Variants in STXBP5L observed in about 807,000 individuals in gnomAD.
STXBP5L encodes the protein syntaxin-binding protein 5-like.
In STXBP5L, 65 loss-of-function variants were observed where a neutral mutation model predicts 144.5. The ratio of observed to expected loss-of-function variants is 0.45; its 90% confidence interval spans 0.37 to 0.55. The LOEUF (loss-of-function observed/expected upper bound fraction) is 0.55. STXBP5L is among the 20% of genes least tolerant of loss of function. The pLI is 0.00. For missense variants in STXBP5L, 1,298 were observed against 1,405.5 expected, an observed-to-expected ratio of 0.92 and a Z score of 1.22; for synonymous variants, 505 against 469.6, an observed-to-expected ratio of 1.08 and a Z score of -0.97.
intron 9 of STXBP5L, among the ~76,000 whole-genome samples, chr3:121,189,708 T>C (rs962051317): frequency 1.1e-4 from 17 of 152,164 alleles, no homozygotes; most frequent in African/African-American, 3.9e-4. Context: ...AATGCGGGCT[T>C]TTTTTGGTTC....
At chr3:121,346,784 C>G (rs1171662988) in intron 20 of STXBP5L, among the ~76,000 whole-genome samples, 5 of 152,146 alleles carry the variant, frequency 3.3e-5, no homozygotes, top group Admixed American at 2.0e-4. Flanking sequence ...CCTTTGCCCA[C>G]TTTTTGATGG....
intron 20 of STXBP5L, among the ~76,000 whole-genome samples, chr3:121,339,191 C>T (rs2044618644): frequency 6.6e-6 from 1 of 152,050 alleles, no homozygotes; most frequent in Non-Finnish European, 1.5e-5. Context: ...GCAAACTAAA[C>T]CCAACAGCAC....
intron 7 of STXBP5L, among the ~76,000 whole-genome samples, chr3:121,127,172 G>A (rs1322407549): frequency 6.7e-6 from 1 of 148,472 alleles, no homozygotes. Flanking sequence ...TGTAGCTCTA[G>A]GGAAGACTGT....
intron 20 of STXBP5L, among the ~76,000 whole-genome samples, chr3:121,369,104 A>T (rs888483070): frequency 1.3e-5 from 2 of 152,200 alleles, no homozygotes; most frequent in Non-Finnish European, 2.9e-5. Context: ...CTGTTCCAGG[A>T]ACATGTGCAC....
chr3:121,386,547 C>G (rs1422216376), intron 22 of STXBP5L, among the ~76,000 whole-genome samples: 2 of 152,002 alleles, frequency 1.3e-5, no homozygotes, highest in African/African-American at 2.4e-5. Flanking sequence ...TGCTATCCCT[C>G]CCCCAGGTCC....
At chr3:121,313,445 C>A (rs1208075712) in intron 19 of STXBP5L, among the ~76,000 whole-genome samples, 1 of 102,924 alleles carries the variant, frequency 9.7e-6, no homozygotes, top group African/African-American at 4.2e-5. Flanking sequence ...GGGGGCTGAC[C>A]CCCCCACCTC....
chr3:120,951,875 A>G (rs1237498144), intron 2 of STXBP5L, among the ~76,000 whole-genome samples: 1 of 152,090 alleles, frequency 6.6e-6, no homozygotes, highest in Non-Finnish European at 1.5e-5. Flanking sequence ...TTGCGGCACT[A>G]TTCACAATAG....
chr3:121,183,961 G>C (rs1484911588), intron 9 of STXBP5L, among the ~76,000 whole-genome samples: 1 of 152,020 alleles, frequency 6.6e-6, no homozygotes, highest in Non-Finnish European at 1.5e-5. Flanking sequence ...AGCAGACCTG[G>C]AGAAGAGGGG....
At chr3:121,251,465 G>A (rs1449582929) in intron 15 of STXBP5L, among the ~76,000 whole-genome samples, 1 of 152,178 alleles carries the variant, frequency 6.6e-6, no homozygotes, top group Non-Finnish European at 1.5e-5. Context: ...TTTTGATGGA[G>A]TTAACATTTA....
At chr3:121,263,298 CAA>C (rs1464940702) in intron 18 of STXBP5L, among the ~76,000 whole-genome samples, 1 of 152,158 alleles carries the variant, frequency 6.6e-6, no homozygotes, top group East Asian at 1.9e-4. Context: ...GACATTCACA[CAA>C]AAACCCCATC....
intron 2 of STXBP5L, among the ~76,000 whole-genome samples, chr3:120,922,736 G>T (rs1343888693): frequency 1.3e-5 from 2 of 151,774 alleles, no homozygotes; most frequent in African/African-American, 4.8e-5. Context: ...TTTGTTCTTG[G>T]TTGTGTTAGT....
intron 22 of STXBP5L, among the ~76,000 whole-genome samples, chr3:121,388,336 T>G (rs1208631720): frequency 6.6e-6 from 1 of 152,222 alleles, no homozygotes; most frequent in African/African-American, 2.4e-5. Context: ...AATCATGTCA[T>G]TTGAAAACAG....
intron 5 of STXBP5L, among the ~76,000 whole-genome samples, chr3:121,112,649 A>G (rs1287894190): frequency 6.6e-6 from 1 of 152,020 alleles, no homozygotes; most frequent in Admixed American, 6.6e-5. Flanking sequence ...ATAAAGAGTT[A>G]TTCGGTGAAG....
chr3:121,266,975 G>T (rs565368334), intron 18 of STXBP5L, among the ~76,000 whole-genome samples: 1 of 152,116 alleles, frequency 6.6e-6, no homozygotes, highest in African/African-American at 2.4e-5. Context: ...GACACAAACA[G>T]ATGGAAAAAC....
chr3:121,217,256 G>A (rs575054648), intron 10 of STXBP5L, among the ~76,000 whole-genome samples: 1 of 152,290 alleles, frequency 6.6e-6, no homozygotes, highest in South Asian at 2.1e-4. Context: ...AGCTAGCTCG[G>A]TGTCTGCCCA....
intron 3 of STXBP5L, among the ~76,000 whole-genome samples, chr3:120,992,611 G>T (rs1943013393): frequency 1.3e-5 from 2 of 152,030 alleles, no homozygotes; most frequent in South Asian, 4.2e-4. Flanking sequence ...TTCTATCCAT[G>T]CTGCTGCAAA....
rs575258467 is a variant in STXBP5L at position 121,029,858 on chromosome 3, G to A, written c.288-11842G>A. Among the ~76,000 whole-genome samples the A allele has an allele frequency of 4.0e-5, 6 of 151,586 alleles. No homozygotes were observed. In the East Asian group the frequency reaches 9.7e-4, roughly 24 times the overall value. On this transcript the variant is annotated intron_variant, in intron 3 of 26. Transcript: ENST00000471454. ...AAGAAAAAAAAAACCCCATGAAAAA[G>A]TGGGCAAAGGATATGAACAGAGACT...
chr3:121,258,925 G>T, intron 17 of STXBP5L, 118 bp from the exon 18 acceptor site: 1 of 977,342 alleles, frequency 1.0e-6, no homozygotes, highest in Non-Finnish European at 1.4e-6. Context: ...CCATCTGCAT[G>T]CTGCCTGCAA....
intron 11 of STXBP5L, among the ~76,000 whole-genome samples, chr3:121,233,126 T>C (rs2049360130): frequency 1.3e-5 from 2 of 152,326 alleles, no homozygotes; most frequent in South Asian, 2.1e-4. Context: ...ACACAACCTA[T>C]AAATATATTT....
Sources: allele counts gnomAD v4.1 joint callset (sites outside exome capture counted in the v4.1 genomes callset), GRCh38; gene constraint gnomAD v4.1.1; transcripts MANE v1.5; gene names NCBI Gene and HGNC (gene_info 2026-07-23, HGNC 2026-07-21).